Variants in LRRC18 observed in about 807,000 individuals in gnomAD.
The protein encoded by LRRC18 is leucine rich repeat containing 18, also known as leucine-rich repeat-containing protein 18.
LRRC18 carries 12 observed loss-of-function variants against 11.2 expected under a neutral mutation model. The ratio of observed to expected loss-of-function variants is 1.07; its 90% confidence interval spans 0.69 to 1.74. The LOEUF (loss-of-function observed/expected upper bound fraction) is 1.74. LRRC18 is among the 40% of genes most tolerant of loss of function. The pLI, the probability that LRRC18 is intolerant of heterozygous loss-of-function variation, is 0.00. For synonymous variants in LRRC18, 155 were observed against 130.6 expected (o/e 1.19, Z -1.27); for missense variants, 374 against 330.5 (o/e 1.13, Z -1.02).
chr10:48,920,270 A>G, the LRRC18 span, among the ~76,000 whole-genome samples: 1 of 152,062 alleles, frequency 6.6e-6, no homozygotes, highest in African/African-American at 2.4e-5. Flanking sequence ...GAGCGGACAA[A>G]AAACCAAATA....
the LRRC18 span, among the ~76,000 whole-genome samples, chr10:48,928,353 CGTGTGT>C: frequency 8.3e-3 from 1,043 of 125,026 alleles, 15 homozygotes; most frequent in African/African-American, 0.026. Context: ...TTGGTTTTGA[CGTGTGT>C]GTGTGTGTGT....
At chr10:48,921,645 C>A in the LRRC18 span, among the ~76,000 whole-genome samples, 1 of 152,006 alleles carries the variant, frequency 6.6e-6, no homozygotes, top group African/African-American at 2.4e-5. Flanking sequence ...AAGCTACAGA[C>A]TGGAAGAAAA....
the LRRC18 span, among the ~76,000 whole-genome samples, chr10:48,939,052 G>A: frequency 2.0e-5 from 3 of 152,184 alleles, no homozygotes; most frequent in Non-Finnish European, 4.4e-5. Flanking sequence ...GCTCAATGCA[G>A]GCACCCAGCA....
chr10:48,929,008 AAGAGAAAGAGTCAGGAT>A, the LRRC18 span, among the ~76,000 whole-genome samples: 1 of 152,226 alleles, frequency 6.6e-6, no homozygotes, highest in Non-Finnish European at 1.5e-5. Flanking sequence ...GGATGTTAGG[AAGAGAAAGAGTCAGGAT>A]AGAGACATAG....
exon 2 of LRRC18, chr10:48,909,585 A>C (rs1837823777): frequency 6.6e-6 from 1 of 152,162 alleles, no homozygotes; most frequent in Admixed American, 6.5e-5. Context: ...GCTTCCACTC[A>C]TGGTGGAAGG....
At chr10:48,917,569 G>A (rs1194985029), upstream of LRRC18, among the ~76,000 whole-genome samples, 1 of 152,210 alleles carries the variant, frequency 6.6e-6, no homozygotes, top group African/African-American at 2.4e-5. Context: ...GAAACCACAG[G>A]GGCCAGAGGT....
exon 1 of LRRC18, chr10:48,913,813 C>G (rs41283293): frequency 1.9e-6 from 3 of 1,614,076 alleles, no homozygotes; most frequent in Non-Finnish European, 2.5e-6. Flanking sequence ...TTCAGCTCCA[C>G]GGGCAGCCCG....
chr10:48,913,630 G>A (rs140270313), exon 1 of LRRC18: 41 of 1,613,898 alleles, frequency 2.5e-5, no homozygotes, highest in African/African-American at 9.3e-5. Context: ...AAGGGGTTCC[G>A]CTTTATGTTG....
upstream of LRRC18, among the ~76,000 whole-genome samples, chr10:48,918,613 A>G (rs1193307547): frequency 6.6e-6 from 1 of 152,258 alleles, no homozygotes; most frequent in Non-Finnish European, 1.5e-5. Flanking sequence ...GGATAAATTT[A>G]CCATTAGAAT....
At chr10:48,913,253 A>C in intron 1 of LRRC18, 139 bp downstream of exon 3, 1 of 780,622 alleles carries the variant, frequency 1.3e-6, no homozygotes, top group Non-Finnish European at 2.1e-6. Context: ...CCGAGAAAGT[A>C]AGGAAAGGAG....
At chr10:48,934,800 C>T in the LRRC18 span, among the ~76,000 whole-genome samples, 1 of 152,190 alleles carries the variant, frequency 6.6e-6, no homozygotes, top group Non-Finnish European at 1.5e-5. Context: ...TCAAACACAT[C>T]TCCGCCTAGC....
At chr10:48,915,068 A>G (rs1838388925), upstream of LRRC18, among the ~76,000 whole-genome samples, 1 of 152,232 alleles carries the variant, frequency 6.6e-6, no homozygotes, top group Non-Finnish European at 1.5e-5. Flanking sequence ...TTAGAAGTCC[A>G]GCTCTACTCT....
the LRRC18 span, among the ~76,000 whole-genome samples, chr10:48,933,048 G>T: frequency 6.6e-6 from 1 of 152,180 alleles, no homozygotes; most frequent in Non-Finnish European, 1.5e-5. Context: ...CAGGGAAGGA[G>T]AGTGATGGAG....
the LRRC18 span, among the ~76,000 whole-genome samples, chr10:48,934,043 G>A: frequency 6.6e-6 from 1 of 152,112 alleles, no homozygotes; most frequent in African/African-American, 2.4e-5. Context: ...ATCTCTCCCT[G>A]GAGGCTGAGG....
At chr10:48,937,523 T>A in the LRRC18 span, among the ~76,000 whole-genome samples, 20 of 152,126 alleles carry the variant, frequency 1.3e-4, no homozygotes, top group African/African-American at 3.9e-4. Flanking sequence ...GTACACCACC[T>A]CCTTGCCCCA....
At chr10:48,914,857 A>G (rs1376969427), upstream of LRRC18, among the ~76,000 whole-genome samples, 1 of 152,156 alleles carries the variant, frequency 6.6e-6, no homozygotes. Context: ...ACTCCCCATC[A>G]TGAGCACACA....
exon 1 of LRRC18, chr10:48,913,676 G>A (rs35986885): frequency 0.13 from 205,110 of 1,613,230 alleles, 14,094 homozygotes; most frequent in Middle Eastern, 0.2. Context: ...AGATGCTCAC[G>A]GGGATGTTGT....
At chr10:48,912,385 TG>T (rs1838086955) in intron 1 of LRRC18, among the ~76,000 whole-genome samples, 1 of 152,246 alleles carries the variant, frequency 6.6e-6, no homozygotes, top group Non-Finnish European at 1.5e-5. Context: ...ACCTAAGCTA[TG>T]TTAGGTGCCC....
At chr10:48,913,742 G>T in exon 1 of LRRC18, 10 of 1,613,736 alleles carry the variant, frequency 6.2e-6, no homozygotes, top group Non-Finnish European at 8.5e-6. Context: ...CCCCCAGTGT[G>T]GTGGGCACGC....
Sources: gnomAD v4.1 joint callset for allele counts (sites outside exome capture counted in the v4.1 genomes callset) on GRCh38, gnomAD v4.1.1 for gene constraint, MANE v1.5 for transcripts, NCBI Gene and HGNC (gene_info 2026-07-23, HGNC 2026-07-21) for gene names.